STK10: variants seen among roughly 807,000 people sequenced by gnomAD.
STK10 encodes the protein serine/threonine-protein kinase 10.
In STK10, 78 loss-of-function variants were observed where a neutral mutation model predicts 113.8. The observed-to-expected ratio is 0.69, with a 90% confidence interval of 0.57 to 0.83. STK10 has a LOEUF of 0.83. Among genes scored for constraint, STK10 ranks in the 40% least tolerant of loss-of-function variants. The probability of loss-of-function intolerance (pLI) is 0.00; values close to 1 mark genes in which losing one functional copy is unlikely to be tolerated. For synonymous variants in STK10, 465 were observed against 494.7 expected (o/e 0.94, Z 0.80); for missense variants, 1,109 against 1,280.1 (o/e 0.87, Z 2.04).
chr5:172,111,736 TAAAG>T (rs1561812066), intron 4 of STK10, among the ~76,000 whole-genome samples: 1 of 152,196 alleles, frequency 6.6e-6, no homozygotes, highest in Non-Finnish European at 1.5e-5. Flanking sequence ...GTAATTTCCA[TAAAG>T]AAAGAGATCA....
At chr5:172,164,841 G>A (rs901773464) in intron 1 of STK10, among the ~76,000 whole-genome samples, 4 of 152,232 alleles carry the variant, frequency 2.6e-5, no homozygotes, top group Admixed American at 6.5e-5. Flanking sequence ...CTCTCCCAGC[G>A]GCTGAAGCAA....
chr5:172,137,598 G>A (rs1187694150), intron 2 of STK10, among the ~76,000 whole-genome samples: 1 of 151,778 alleles, frequency 6.6e-6, no homozygotes, highest in Non-Finnish European at 1.5e-5. Flanking sequence ...GCCATATATT[G>A]GGCCAGGCGC....
intron 10 of STK10, among the ~76,000 whole-genome samples, chr5:172,087,558 A>T (rs1377549187): frequency 6.6e-6 from 1 of 151,488 alleles, no homozygotes; most frequent in African/African-American, 2.4e-5. Flanking sequence ...TACAGGTGTG[A>T]GCCACTACAC....
intron 10 of STK10, among the ~76,000 whole-genome samples, chr5:172,086,075 T>C (rs963645005): frequency 6.6e-6 from 1 of 152,202 alleles, no homozygotes; most frequent in Non-Finnish European, 1.5e-5. Context: ...GAGTCACTTA[T>C]CCTTGTGGGA....
intron 2 of STK10, among the ~76,000 whole-genome samples, chr5:172,135,669 A>C (rs1365970675): frequency 3.3e-5 from 5 of 152,206 alleles, no homozygotes; most frequent in Non-Finnish European, 5.9e-5. Context: ...TATTGATCCA[A>C]ATGGCAATTC....
intron 7 of STK10, among the ~76,000 whole-genome samples, chr5:172,097,935 C>T (rs1290448449): frequency 6.6e-6 from 1 of 152,088 alleles, no homozygotes; most frequent in Non-Finnish European, 1.5e-5. Flanking sequence ...TGAGGGCACC[C>T]GGGTATAGCC....
intron 2 of STK10, among the ~76,000 whole-genome samples, chr5:172,138,930 T>C (rs1298787510): frequency 6.6e-6 from 1 of 152,002 alleles, no homozygotes; most frequent in African/African-American, 2.4e-5. Flanking sequence ...AGGAGAATGG[T>C]GTGAACCCAG....
At chr5:172,168,041 T>A (rs1427442946) in intron 1 of STK10, among the ~76,000 whole-genome samples, 3 of 152,154 alleles carry the variant, frequency 2.0e-5, no homozygotes, top group Non-Finnish European at 4.4e-5. Flanking sequence ...GAGGGAAGGC[T>A]CCCAGCTGAC....
chr5:172,106,570 C>A, intron 6 of STK10, 50 bp downstream of exon 6: 1 of 1,561,786 alleles, frequency 6.4e-7, no homozygotes, highest in South Asian at 1.2e-5. Flanking sequence ...TATTCCAGCC[C>A]TAATCCCGGC....
intron 14 of STK10, among the ~76,000 whole-genome samples, chr5:172,058,845 G>A (rs769542621): frequency 4.6e-5 from 7 of 152,060 alleles, no homozygotes; most frequent in Admixed American, 6.6e-5. Flanking sequence ...AGCCAATATC[G>A]TGCCACTGCA....
chr5:172,106,525 G>T, intron 6 of STK10, 95 bp downstream of exon 6: 1 of 1,328,142 alleles, frequency 7.5e-7, no homozygotes, highest in South Asian at 1.5e-5. Flanking sequence ...CCAGGAGAAC[G>T]CTACCACTGC....
At chr5:172,165,074 C>A (rs1376102947) in intron 1 of STK10, among the ~76,000 whole-genome samples, 1 of 152,164 alleles carries the variant, frequency 6.6e-6, no homozygotes, top group Non-Finnish European at 1.5e-5. Context: ...CACTGCTTCA[C>A]CCAAGGGGCC....
chr5:172,063,652 C>T (rs56345544), intron 13 of STK10: 4,936 of 148,510 alleles, frequency 0.033, 122 homozygotes, highest in Non-Finnish European at 0.052. Flanking sequence ...TCTTCCTAAT[C>T]GTGCTGTAAT....
rs1455758221 is a variant in STK10 at position 172,107,815 on chromosome 5, TAG to T, written c.556_557del (p.Leu186ThrfsTer21). On this transcript the variant is annotated frameshift_variant, in exon 5 of 19. Coordinates refer to ENST00000176763, the MANE Select transcript of STK10 (RefSeq NM_005990.4). LOFTEE classifies it high-confidence loss of function. ...FGVSAKNLKT[L>X]QKRDSFIGTP... ...TGCCGATGAAGGAATCTCGTTTCTGTAGAGTCTTCAGATTCTTGGCAGACACA... is the reference window on the plus strand; with the variant it reads ...TGCCGATGAAGGAATCTCGTTTCTGTAGTCTTCAGATTCTTGGCAGACACA... 8.1e-6 allele frequency: 13 copies of T among 1,614,048 alleles called. No homozygotes were observed. The highest frequency in any genetic ancestry group is 1.3e-5 in the African/African-American group (1 of 74,926).
chr5:172,161,888 C>T (rs1202098023), intron 1 of STK10, among the ~76,000 whole-genome samples: 5 of 152,218 alleles, frequency 3.3e-5, no homozygotes, highest in South Asian at 4.1e-4. Flanking sequence ...AAGTCCCTTG[C>T]AGGCCAGAGC....
intron 13 of STK10, among the ~76,000 whole-genome samples, chr5:172,062,355 G>A (rs868068161): frequency 6.6e-6 from 1 of 152,214 alleles, no homozygotes; most frequent in African/African-American, 2.4e-5. Flanking sequence ...GTTGGCAGCT[G>A]CGGTAGGTAT....
At chr5:172,182,098 T>C (rs959103258) in intron 1 of STK10, among the ~76,000 whole-genome samples, 1 of 150,242 alleles carries the variant, frequency 6.7e-6, no homozygotes, top group Non-Finnish European at 1.5e-5. Flanking sequence ...AGGTCAGGAG[T>C]TCGAGACCAG....
intron 2 of STK10, among the ~76,000 whole-genome samples, chr5:172,142,565 G>A (rs1162784761): frequency 6.6e-6 from 1 of 152,168 alleles, no homozygotes; most frequent in Non-Finnish European, 1.5e-5. Flanking sequence ...CGTATGCTAA[G>A]TGCTTTCCAT....
At chr5:172,100,951 C>T (rs1242993576) in intron 7 of STK10, among the ~76,000 whole-genome samples, 1 of 152,120 alleles carries the variant, frequency 6.6e-6, no homozygotes, top group African/African-American at 2.4e-5. Context: ...GACTCTTGAA[C>T]CCGAGGACCA....
Sources: allele counts gnomAD v4.1 joint callset (sites outside exome capture counted in the v4.1 genomes callset), GRCh38; gene constraint gnomAD v4.1.1; transcripts MANE v1.5; gene names NCBI Gene and HGNC (gene_info 2026-07-23, HGNC 2026-07-21).